The following AMZ1 variants were observed in gnomAD, a reference collection of about 807,000 sequenced individuals.
The protein encoded by AMZ1 is archaelysin family metallopeptidase 1, also known as archaemetzincin-1.
AMZ1 carries 39 observed loss-of-function variants against 29.9 expected under a neutral mutation model. The ratio of observed to expected loss-of-function variants is 1.30; its 90% CI spans 1.01 to 1.70. AMZ1 has a LOEUF of 1.70. Ranked by LOEUF, AMZ1 falls within the 40% of genes most tolerant of loss-of-function variation. AMZ1 has a pLI of 0.00. For missense variants in AMZ1, 1,041 were observed against 680.6 expected, an observed-to-expected ratio of 1.53 and a Z score of -5.89; for synonymous variants, 458 against 304.0, an observed-to-expected ratio of 1.51 and a Z score of -5.27.
At chr7:2,754,733 AGT>A (rs1463666940) in intron 4 of AMZ1, among the ~76,000 whole-genome samples, 1 of 152,170 alleles carries the variant, frequency 6.6e-6, no homozygotes, top group Non-Finnish European at 1.5e-5. Flanking sequence ...CGAGCAACAG[AGT>A]GAGACCCTGC....
intron 1 of AMZ1, among the ~76,000 whole-genome samples, chr7:2,699,328 G>A (rs1041839944): frequency 1.3e-5 from 2 of 152,140 alleles, no homozygotes; most frequent in Admixed American, 6.5e-5. Flanking sequence ...GCTTTGTCAC[G>A]GTTCTGCCAG....
Position 2,725,366 on chromosome 7 carries a change from G to A in AMZ1, n.550+15550G>A, listed in dbSNP as rs150428956. The stretch of plus-strand genomic sequence containing the variant: ...ACAGCTGCGCGAGGGGAAGGGCGAA[G>A]GATGCTTCCAGGGAGCAGTGACCTG... On this transcript the variant is annotated intron_variant and non_coding_transcript_variant, in intron 4 of 4. Coordinates refer to the AMZ1 transcript ENST00000489665. Among the ~76,000 whole-genome samples, 49 of 152,376 alleles carry A rather than the reference G, an allele frequency of 3.2e-4. 1 individual carries two copies. The highest frequency in any genetic ancestry group is 1.4e-3 in the Admixed American group (22 of 15,302).
upstream of AMZ1, among the ~76,000 whole-genome samples, chr7:2,685,012 G>T (rs1255603711): frequency 1.3e-5 from 2 of 151,696 alleles, no homozygotes; most frequent in Non-Finnish European, 2.9e-5. Flanking sequence ...TGGGACTACA[G>T]GCGCCCGCCA....
chr7:2,703,958 G>A (rs798466), intron 3 of AMZ1, among the ~76,000 whole-genome samples: 38,296 of 152,024 alleles, frequency 0.25, 4,904 homozygotes, highest in Admixed American at 0.28. Flanking sequence ...GTGCAATCTC[G>A]GCTCATGGCA....
intron 4 of AMZ1, among the ~76,000 whole-genome samples, chr7:2,753,973 T>G (rs139493913): frequency 2.2e-4 from 33 of 152,262 alleles, no homozygotes; most frequent in Middle Eastern, 3.4e-3. Context: ...CTTAGGTGCT[T>G]TGTTCACTTG....
chr7:2,697,176 C>G (rs1433112601), intron 1 of AMZ1, among the ~76,000 whole-genome samples: 2 of 152,178 alleles, frequency 1.3e-5, no homozygotes, highest in Non-Finnish European at 2.9e-5. Flanking sequence ...AATCTCGGCT[C>G]ACTGCAACCT....
chr7:2,722,438 A>C (rs992693692), downstream of AMZ1, among the ~76,000 whole-genome samples: 60 of 152,012 alleles, frequency 3.9e-4, no homozygotes, highest in African/African-American at 1.4e-3. Context: ...ATGCCCGGCT[A>C]ATTTTTTATA....
At chr7:2,747,570 A>G (rs1790827401) in intron 4 of AMZ1, among the ~76,000 whole-genome samples, 1 of 152,192 alleles carries the variant, frequency 6.6e-6, no homozygotes, top group South Asian at 2.1e-4. Flanking sequence ...TATCATACTG[A>G]ATGGGCAAAA....
chr7:2,684,872 C>CTTTTTTTT (rs60735391), upstream of AMZ1, among the ~76,000 whole-genome samples: 1 of 132,638 alleles, frequency 7.5e-6, no homozygotes, highest in Non-Finnish European at 1.6e-5. Context: ...CACATAATTG[C>CTTTTTTTT]TTTTTTTTTT....
chr7:2,709,296 G>A (rs1788592162), intron 5 of AMZ1, 52 bp downstream of exon 5: 1 of 1,449,978 alleles, frequency 6.9e-7, no homozygotes, highest in African/African-American at 1.4e-5. Context: ...TGCTGTCTGA[G>A]CCCTTGGTGC....
chr7:2,721,049 C>A (rs1562382956), downstream of AMZ1, among the ~76,000 whole-genome samples: 1 of 152,222 alleles, frequency 6.6e-6, no homozygotes, highest in Non-Finnish European at 1.5e-5. Context: ...TCGCTGGCTG[C>A]CTGCCTTACG....
upstream of AMZ1, chr7:2,762,408 G>A (rs946120220): frequency 1.5e-5 from 7 of 475,208 alleles, no homozygotes; most frequent in African/African-American, 4.0e-5. Flanking sequence ...GGAAACCAAA[G>A]CTTAGACGTT....
chr7:2,692,411 G>T (rs538527543), intron 1 of AMZ1, among the ~76,000 whole-genome samples: 2 of 152,144 alleles, frequency 1.3e-5, no homozygotes, highest in African/African-American at 2.4e-5. Flanking sequence ...GTGTGGTGGC[G>T]GGCGCCTTTA....
chr7:2,759,923 C>A (rs969565620), upstream of AMZ1, among the ~76,000 whole-genome samples: 1 of 152,206 alleles, frequency 6.6e-6, no homozygotes, highest in African/African-American at 2.4e-5. Flanking sequence ...CTGCTTTCTG[C>A]CACCTGCTCC....
chr7:2,734,970 C>T (rs75490376), intron 4 of AMZ1, among the ~76,000 whole-genome samples: 3,815 of 152,280 alleles, frequency 0.025, 111 homozygotes, highest in Middle Eastern at 0.075. Flanking sequence ...CCTCGCCAAG[C>T]CCCCGTGATG....
At position 2,731,849 on chromosome 7, in the gene AMZ1, G is replaced by A; in HGVS notation, n.550+22033G>A. The A allele has an allele frequency of 1.6e-6, 1 of 627,540 alleles. No homozygotes were observed. The highest frequency in any genetic ancestry group is 2.6e-6 in the Non-Finnish European group (1 of 390,152). 38.9% of individuals were successfully genotyped at this position (627,540 alleles called of 1,614,324 possible). A position where few individuals can be genotyped will look rare whatever the true frequency, so the allele number is the denominator to read the frequency against. ...CAAAAAGATAAGAAGGAAAGAGACT[G>A]ACTTTTGCAACAGGTTGAACCAGAA... On this transcript the variant is annotated intron_variant and non_coding_transcript_variant, in intron 4 of 4. Transcript: ENST00000489665. The surrounding 1 kb of genome is among the most constrained non-coding windows in gnomAD (Gnocchi z 6.0).
chr7:2,738,776 T>A (rs1028985239), intron 4 of AMZ1, among the ~76,000 whole-genome samples: 12 of 152,016 alleles, frequency 7.9e-5, no homozygotes, highest in Non-Finnish European at 1.6e-4. Context: ...ATGAACCCAA[T>A]AGGACAATAA....
chr7:2,711,814 T>G (rs1788797808), intron 6 of AMZ1, among the ~76,000 whole-genome samples: 1 of 151,812 alleles, frequency 6.6e-6, no homozygotes, highest in African/African-American at 2.4e-5. Flanking sequence ...GAGGCGGAGG[T>G]GGGTGGGTCA....
At chr7:2,760,449 A>C (rs1212938018), upstream of AMZ1, 1 of 152,456 alleles carries the variant, frequency 6.6e-6, no homozygotes, top group African/African-American at 2.4e-5. Context: ...CGCTGTGGTA[A>C]GCACCTGAGA....
Sources: allele counts gnomAD v4.1 joint callset (sites outside exome capture counted in the v4.1 genomes callset), GRCh38; gene constraint gnomAD v4.1.1; non-coding constraint Gnocchi (gnomAD v3.1); transcripts MANE v1.5; gene names NCBI Gene and HGNC (gene_info 2026-07-23, HGNC 2026-07-21).